The following GABRB2 variants were observed in gnomAD, a reference collection of about 807,000 sequenced individuals.
GABRB2 encodes the protein gamma-aminobutyric acid type A receptor subunit beta2.
In GABRB2, 16 loss-of-function variants were observed where a neutral mutation model predicts 54.7. The observed-to-expected ratio is 0.29, with a 90% confidence interval of 0.20 to 0.44. The LOEUF (loss-of-function observed/expected upper bound fraction) is 0.44, where lower values mean the gene tolerates loss of function less well. Ranked by LOEUF, GABRB2 falls within the 20% of genes least tolerant of loss-of-function variation. The probability of loss-of-function intolerance (pLI) is 1.00; values close to 1 mark genes in which losing one functional copy is unlikely to be tolerated. For synonymous variants in GABRB2, 244 were observed against 233.8 expected (o/e 1.04, Z -0.40); for missense variants, 355 against 644.0 (o/e 0.55, Z 4.86).
intron 3 of GABRB2, among the ~76,000 whole-genome samples, chr5:161,479,502 A>C (rs1214001514): frequency 6.6e-6 from 1 of 152,128 alleles, no homozygotes; most frequent in Non-Finnish European, 1.5e-5. Context: ...AAAATCACCA[A>C]AAATTTGAAG....
chr5:161,441,967 G>A (rs1757480050), intron 4 of GABRB2, among the ~76,000 whole-genome samples: 1 of 152,148 alleles, frequency 6.6e-6, no homozygotes, highest in Non-Finnish European at 1.5e-5. Flanking sequence ...GGTAATGGGA[G>A]GCTAACTGGG....
At chr5:161,525,161 G>T (rs950958652) in intron 3 of GABRB2, among the ~76,000 whole-genome samples, 1 of 151,090 alleles carries the variant, frequency 6.6e-6, no homozygotes, top group African/African-American at 2.4e-5. Context: ...TAACCTAATG[G>T]ATACAAGTGT....
At chr5:161,346,280 C>T (rs1378832707) in intron 5 of GABRB2, among the ~76,000 whole-genome samples, 2 of 152,044 alleles carry the variant, frequency 1.3e-5, no homozygotes, top group Non-Finnish European at 2.9e-5. Context: ...TTTTGGAAAC[C>T]ACTCTGCCAC....
intron 5 of GABRB2, among the ~76,000 whole-genome samples, chr5:161,369,563 G>A (rs1231951419): frequency 1.3e-5 from 2 of 150,608 alleles, no homozygotes; most frequent in Non-Finnish European, 3.0e-5. Flanking sequence ...AGAGACTGAT[G>A]TCCCCTATCA....
chr5:161,416,292 G>T (rs966963698), intron 4 of GABRB2, among the ~76,000 whole-genome samples: 3 of 152,058 alleles, frequency 2.0e-5, no homozygotes, highest in African/African-American at 7.2e-5. Flanking sequence ...AATGACCAAA[G>T]ATAGCCATTA....
chr5:161,444,705 T>C (rs1394665629), intron 4 of GABRB2, among the ~76,000 whole-genome samples: 1 of 152,186 alleles, frequency 6.6e-6, no homozygotes, highest in African/African-American at 2.4e-5. Flanking sequence ...ACAGTCTCAC[T>C]ACTAATGAAG....
chr5:161,521,128 C>T (rs1760100006), intron 3 of GABRB2, among the ~76,000 whole-genome samples: 1 of 151,904 alleles, frequency 6.6e-6, no homozygotes, highest in African/African-American at 2.4e-5. Flanking sequence ...TGAGGTTACC[C>T]AATGCATTAA....
chr5:161,409,182 C>T (rs1409921579), intron 5 of GABRB2, among the ~76,000 whole-genome samples: 1 of 151,996 alleles, frequency 6.6e-6, no homozygotes, highest in Non-Finnish European at 1.5e-5. Flanking sequence ...AGTAAGAAGT[C>T]AGCTATCTTC....
rs529412656 is a variant in GABRB2 at position 161,291,020 on chromosome 5, C to T, written c.*3061G>A. On this transcript the variant is annotated 3_prime_UTR_variant, in exon 10 of 10. Transcript: ENST00000393959. ...AGATGGCACTGCTTGAATCTTTTCC[C>T]CTGTTAATAAATTGTAGTAGAAAGA... The T allele has an allele frequency of 3.9e-5, 6 of 152,518 alleles. No individual in the cohort carries two copies. The highest frequency in any genetic ancestry group is 1.3e-4 in the Admixed American group (2 of 15,254). 9.4% of individuals were successfully genotyped at this position (152,518 alleles called of 1,614,324 possible). A position where few individuals can be genotyped will look rare whatever the true frequency, so the allele number is the denominator to read the frequency against.
intron 4 of GABRB2, among the ~76,000 whole-genome samples, chr5:161,444,169 A>G (rs1253608099): frequency 6.6e-6 from 1 of 152,146 alleles, no homozygotes; most frequent in Non-Finnish European, 1.5e-5. Context: ...ACACATGTGC[A>G]TGCACATGCA....
chr5:161,448,814 T>A (rs1757709596), intron 4 of GABRB2, among the ~76,000 whole-genome samples: 1 of 152,148 alleles, frequency 6.6e-6, no homozygotes, highest in African/African-American at 2.4e-5. Flanking sequence ...CCTTTAAGAA[T>A]AATAGATAAA....
At chr5:161,498,419 G>T (rs1759323436) in intron 3 of GABRB2, among the ~76,000 whole-genome samples, 1 of 151,880 alleles carries the variant, frequency 6.6e-6, no homozygotes, top group African/African-American at 2.4e-5. Flanking sequence ...GCTTTGAGAT[G>T]CTGGAGCTGA....
chr5:161,386,723 G>T (rs1188615760), intron 5 of GABRB2, among the ~76,000 whole-genome samples: 4 of 151,460 alleles, frequency 2.6e-5, no homozygotes, highest in African/African-American at 7.3e-5. Flanking sequence ...TGTATTTTTG[G>T]TGGAGGTGGG....
intron 4 of GABRB2, among the ~76,000 whole-genome samples, chr5:161,420,486 A>T (rs1756818052): frequency 6.6e-6 from 1 of 152,226 alleles, no homozygotes; most frequent in Non-Finnish European, 1.5e-5. Context: ...CCTGGGCTTC[A>T]GGGCAGATGT....
chr5:161,441,239 A>G (rs1757457360), intron 4 of GABRB2, among the ~76,000 whole-genome samples: 1 of 152,196 alleles, frequency 6.6e-6, no homozygotes, highest in Non-Finnish European at 1.5e-5. Flanking sequence ...TAACCAGAAT[A>G]TATAAGGAGC....
chr5:161,345,779 G>A (rs1210588798), intron 5 of GABRB2, among the ~76,000 whole-genome samples: 3 of 152,032 alleles, frequency 2.0e-5, no homozygotes, highest in African/African-American at 7.2e-5. Context: ...GGATGTGTTG[G>A]ATAGTCTTCC....
At chr5:161,309,052 C>CTT (rs1757782686) in intron 9 of GABRB2, among the ~76,000 whole-genome samples, 1 of 152,104 alleles carries the variant, frequency 6.6e-6, no homozygotes, top group Admixed American at 6.6e-5. Context: ...GCAAACAAAA[C>CTT]TATCAACAGA....
intron 5 of GABRB2, among the ~76,000 whole-genome samples, chr5:161,338,756 A>G (rs1754069059): frequency 1.3e-5 from 2 of 152,170 alleles, no homozygotes; most frequent in African/African-American, 4.8e-5. Context: ...ACTGCACTCC[A>G]GCCTGGGTGA....
At chr5:161,377,943 A>G (rs544382010) in intron 5 of GABRB2, among the ~76,000 whole-genome samples, 61 of 152,214 alleles carry the variant, frequency 4.0e-4, no homozygotes, top group African/African-American at 1.3e-3. Flanking sequence ...TATTACATAC[A>G]TATTTAATAC....
Sources: allele counts gnomAD v4.1 joint callset (sites outside exome capture counted in the v4.1 genomes callset), GRCh38; gene constraint gnomAD v4.1.1; transcripts MANE v1.5; gene names NCBI Gene and HGNC (gene_info 2026-07-23, HGNC 2026-07-21).